The following NTM variants were observed in gnomAD, a reference collection of about 807,000 sequenced individuals.
The protein encoded by NTM is neurotrimin, also known as IgLON family member 2.
A neutral mutation model predicts 42.1 loss-of-function variants in NTM; 13 were observed. That is an observed-to-expected ratio of 0.31 (90% confidence interval 0.20 to 0.49). The LOEUF (loss-of-function observed/expected upper bound fraction) is 0.49, where lower values mean the gene tolerates loss of function less well. Among genes scored for constraint, NTM ranks in the 20% least tolerant of loss-of-function variants. The pLI, the probability that NTM is intolerant of heterozygous loss-of-function variation, is 0.99. For missense variants in NTM, 373 were observed against 452.8 expected (o/e 0.82, Z 1.60); for synonymous variants, 187 against 179.2 (o/e 1.04, Z -0.35).
At chr11:132,109,133 T>C (rs2062823896) in intron 2 of NTM, among the ~76,000 whole-genome samples, 1 of 152,240 alleles carries the variant, frequency 6.6e-6, no homozygotes, top group Admixed American at 6.5e-5. Flanking sequence ...GTTCCAAGTC[T>C]TTGCTATTGT....
At position 131,767,269 on chromosome 11, in the gene NTM, A is replaced by G. The variant is rs77274406; in HGVS notation, c.83-144295A>G. 2,648 of 311,264 alleles carry G rather than the reference A, an allele frequency of 8.5e-3. 67 individuals carry two copies. Among genetic ancestry groups the G allele is most frequent in the African/African-American group, 0.05 (2,203 of 44,420 alleles). 19.3% of individuals were successfully genotyped at this position (311,264 alleles called of 1,614,324 possible). A position where few individuals can be genotyped will look rare whatever the true frequency, so the allele number is the denominator to read the frequency against. ...TTGTAAGAATTAAACAAGAATATCC[A>G]TGCTTTGGCCAGGCACAGTGGCTCA... On this transcript the variant is annotated intron_variant, in intron 1 of 8. Coordinates refer to ENST00000683400, the MANE Select transcript of NTM (RefSeq NM_001352005.2).
At chr11:131,552,242 C>T (rs796919942) in intron 1 of NTM, among the ~76,000 whole-genome samples, 1 of 152,104 alleles carries the variant, frequency 6.6e-6, no homozygotes, top group South Asian at 2.1e-4. Context: ...GTGTTGATAA[C>T]GACGTCATGT....
At chr11:131,380,001 C>A (rs1011610871) in intron 1 of NTM, among the ~76,000 whole-genome samples, 6 of 152,104 alleles carry the variant, frequency 3.9e-5, no homozygotes, top group Non-Finnish European at 8.8e-5. Flanking sequence ...ATGTGAAATC[C>A]TAAGGGTCTG....
Position 131,789,427 on chromosome 11 carries a change from AAG to A in NTM, c.83-122136_83-122135del, listed in dbSNP as rs201243168. Among the ~76,000 whole-genome samples the A allele has an allele frequency of 1.1e-3, 19 of 17,826 alleles. 4 individuals carry two copies. Among genetic ancestry groups the A allele is most frequent in the African/African-American group, 1.8e-3 (6 of 3,310 alleles). The allele number at this position is 17,826 out of a possible 152,430, so 11.7% of individuals were successfully genotyped here. ...GCTGCAGTTAAAAGAAAAAAAGAAG[AAG>A]GAAGAAGAAGAAGAAGAAGAAGAAG... On this transcript the variant is annotated intron_variant, in intron 1 of 8. Transcript: ENST00000683400.
rs115879226 is a variant in NTM at position 131,760,227 on chromosome 11, C to A, written c.83-151337C>A. Among the ~76,000 whole-genome samples, 1,194 of 152,210 alleles carry A rather than the reference C, an allele frequency of 7.8e-3. 9 individuals carry two copies. Among genetic ancestry groups the A allele is most frequent in the African/African-American group, 0.026 (1,095 of 41,508 alleles). On this transcript the variant is annotated intron_variant, in intron 1 of 8. Coordinates refer to ENST00000683400, the MANE Select transcript of NTM (RefSeq NM_001352005.2). ...TCTATGGGAGAGAAATGAGTTTTTC[C>A]GGAAGCAGATGCAGGGTGATTCATG...
intron 1 of NTM, among the ~76,000 whole-genome samples, chr11:131,757,552 G>T (rs954706317): frequency 6.6e-6 from 1 of 152,180 alleles, no homozygotes; most frequent in Non-Finnish European, 1.5e-5. Context: ...TTCCAGGCGT[G>T]TTAGGTCCAT....
rs537728583 is a variant in NTM at position 131,433,079 on chromosome 11, G to C, written c.82+62191G>C. Among the ~76,000 whole-genome samples, 305 of 151,680 alleles carry C rather than the reference G, an allele frequency of 2.0e-3. 1 individual carries two copies. The highest frequency in any genetic ancestry group is 7.0e-3 in the African/African-American group (289 of 41,348). The stretch of plus-strand genomic sequence containing the variant: ...TCACCATGTTAGGCAGGATGTTCTC[G>C]ATCTCCTGACCTCGTGATCCCCCCG... On this transcript the variant is annotated intron_variant, in intron 1 of 8. Coordinates refer to ENST00000683400, the MANE Select transcript of NTM (RefSeq NM_001352005.2).
At chr11:131,420,736 A>C (rs1422814367) in intron 1 of NTM, among the ~76,000 whole-genome samples, 1 of 152,212 alleles carries the variant, frequency 6.6e-6, no homozygotes, top group East Asian at 1.9e-4. Context: ...GGGTGGGCTC[A>C]GGAGACATAA....
At chr11:131,570,912 C>A (rs1359322806) in intron 1 of NTM, among the ~76,000 whole-genome samples, 1 of 152,206 alleles carries the variant, frequency 6.6e-6, no homozygotes, top group Admixed American at 6.5e-5. Flanking sequence ...CAGAAAGGAA[C>A]AAGAATCATA....
At chr11:132,320,917 C>A (rs1282311908) in intron 7 of NTM, among the ~76,000 whole-genome samples, 1 of 151,462 alleles carries the variant, frequency 6.6e-6, no homozygotes, top group African/African-American at 2.4e-5. Flanking sequence ...CAGGGCCACA[C>A]TGACACCTCA....
At chr11:131,731,952 A>G (rs575198681) in intron 1 of NTM, among the ~76,000 whole-genome samples, 2 of 152,250 alleles carry the variant, frequency 1.3e-5, no homozygotes, top group South Asian at 2.1e-4. Flanking sequence ...CTGAAGCCCT[A>G]CTAGTCTTGG....
chr11:132,017,146 A>G (rs2073560241), intron 2 of NTM, among the ~76,000 whole-genome samples: 1 of 151,864 alleles, frequency 6.6e-6, no homozygotes. Flanking sequence ...TTTAATTTTG[A>G]TGAAAGTCAG....
At chr11:131,698,409 TG>T (rs2075714473) in intron 1 of NTM, among the ~76,000 whole-genome samples, 1 of 152,298 alleles carries the variant, frequency 6.6e-6, no homozygotes, top group South Asian at 2.1e-4. Context: ...TCATCATGAT[TG>T]ACATTGACTG....
In NTM at chr11:131,598,683, T is replaced by TTTCCTTTCTTTC. The variant is rs1488452817; in HGVS notation, c.82+227797_82+227798insCCTTTCTTTCTT. Among the ~76,000 whole-genome samples, 6 of 74,812 alleles carry TTTCCTTTCTTTC rather than the reference T, an allele frequency of 8.0e-5. 2 individuals carry two copies. Among genetic ancestry groups the TTTCCTTTCTTTC allele is most frequent in the Admixed American group, 7.4e-4 (5 of 6,720 alleles). 49.1% of individuals were successfully genotyped at this position (74,812 alleles called of 152,430 possible). A position where few individuals can be genotyped will look rare whatever the true frequency, so the allele number is the denominator to read the frequency against. Reference sequence around the variant, plus strand: ...AGAACTACTACTCTCTTCTCATTTGTTTTCTTTCTTTCTTTCTTTCTTTCT... The same window carrying TTTCCTTTCTTTC: ...AGAACTACTACTCTCTTCTCATTTGTTTCCTTTCTTTCTTTCTTTCTTTCTTTCTTTCTTTCT... On this transcript the variant is annotated intron_variant, in intron 1 of 8. Transcript: ENST00000683400.
chr11:131,561,348 T>C (rs2056207564), intron 1 of NTM, among the ~76,000 whole-genome samples: 1 of 152,350 alleles, frequency 6.6e-6, no homozygotes, highest in Non-Finnish European at 1.5e-5. Flanking sequence ...GTTGGCCCTA[T>C]GTTTAAAGAA....
chr11:132,265,468 C>A (rs953744568), intron 4 of NTM, among the ~76,000 whole-genome samples: 1 of 152,190 alleles, frequency 6.6e-6, no homozygotes, highest in African/African-American at 2.4e-5. Context: ...CCAGAAACAA[C>A]CCAAACTCTC....
At chr11:132,051,754 C>T (rs369770988) in intron 2 of NTM, among the ~76,000 whole-genome samples, 4 of 152,164 alleles carry the variant, frequency 2.6e-5, no homozygotes, top group Admixed American at 6.5e-5. Flanking sequence ...CTAACTACTC[C>T]GTCTACAGTT....
chr11:131,810,345 G>A (rs1295593012), intron 1 of NTM, among the ~76,000 whole-genome samples: 1 of 152,068 alleles, frequency 6.6e-6, no homozygotes, highest in Non-Finnish European at 1.5e-5. Context: ...CCATTTTGTG[G>A]GCACCCAGAG....
At chr11:131,410,517 C>CAAAAAAAAAAAAAAAAAAAAAAAAA (rs1161389222) in intron 1 of NTM, among the ~76,000 whole-genome samples, 2 of 32,754 alleles carry the variant, frequency 6.1e-5, no homozygotes, top group African/African-American at 1.4e-4. Context: ...AAACAATAAC[C>CAAAAAAAAAAAAAAAAAAAAAAAAA]AAAAAAAAAA....
Sources: gnomAD v4.1 joint callset for allele counts (sites outside exome capture counted in the v4.1 genomes callset) on GRCh38, gnomAD v4.1.1 for gene constraint, MANE v1.5 for transcripts, NCBI Gene and HGNC (gene_info 2026-07-23, HGNC 2026-07-21) for gene names.